CAST: variants seen among roughly 807,000 people sequenced by gnomAD.
The protein encoded by CAST is calpastatin, also known as MIR583 host.
In CAST, 76 loss-of-function variants were observed where a neutral mutation model predicts 119.6. That is an observed-to-expected ratio of 0.64 (90% CI 0.53 to 0.77). The LOEUF (loss-of-function observed/expected upper bound fraction) is 0.77. CAST is among the 30% of genes least tolerant of loss of function. The pLI, the probability that CAST is intolerant of heterozygous loss-of-function variation, is 0.00. For missense variants in CAST, 953 were observed against 946.5 expected (o/e 1.01, Z -0.09); for synonymous variants, 319 against 331.6 (o/e 0.96, Z 0.41).
At chr5:96,418,107 G>A in the CAST span, among the ~76,000 whole-genome samples, 27 of 152,266 alleles carry the variant, frequency 1.8e-4, no homozygotes, top group Admixed American at 3.9e-4. Context: ...GTATATGGAC[G>A]ACTATTCTCT....
At chr5:96,652,588 T>A (rs1033883428) in intron 1 of CAST, among the ~76,000 whole-genome samples, 4 of 152,214 alleles carry the variant, frequency 2.6e-5, no homozygotes, top group African/African-American at 7.2e-5. Flanking sequence ...AGCCTCCACT[T>A]AAATGCTCTG....
At chr5:96,630,526 C>T (rs1354282449) in intron 1 of CAST, among the ~76,000 whole-genome samples, 1 of 152,152 alleles carries the variant, frequency 6.6e-6, no homozygotes. Context: ...GTGGCTCATA[C>T]CTGTAATCCC....
the CAST span, among the ~76,000 whole-genome samples, chr5:95,990,382 G>A: frequency 6.6e-6 from 1 of 151,796 alleles, no homozygotes; most frequent in Non-Finnish European, 1.5e-5. Context: ...TAAAGTATAG[G>A]GGCAAACTAG....
chr5:96,665,725 AAC>A (rs143855509), intron 1 of CAST, among the ~76,000 whole-genome samples: 45 of 150,496 alleles, frequency 3.0e-4, no homozygotes, highest in Non-Finnish European at 4.0e-4. Context: ...GCCAGTTTAT[AAC>A]ACACACACAC....
the CAST span, among the ~76,000 whole-genome samples, chr5:96,208,676 C>T: frequency 3.6e-4 from 54 of 151,770 alleles, no homozygotes; most frequent in South Asian, 0.011. Flanking sequence ...TTTTATTGCA[C>T]TATGGTCTGA....
chr5:96,073,236 T>C, the CAST span, among the ~76,000 whole-genome samples: 9 of 152,324 alleles, frequency 5.9e-5, no homozygotes, highest in East Asian at 1.7e-3. Context: ...TACAGACTTA[T>C]GTGGTGAATC....
chr5:96,139,423 C>T, the CAST span, among the ~76,000 whole-genome samples: 2 of 151,012 alleles, frequency 1.3e-5, no homozygotes, highest in Non-Finnish European at 3.0e-5. Flanking sequence ...GAAAATTTAA[C>T]CTCTCTGAGT....
Position 96,593,911 on chromosome 5 carries a change from A to G in CAST, c.60+64031A>G, listed in dbSNP as rs916333882. Among the ~76,000 whole-genome samples, 4 of 152,362 alleles carry G rather than the reference A, an allele frequency of 2.6e-5. No homozygotes were observed. In the East Asian group the frequency reaches 5.8e-4, roughly 22 times the overall value. ...CTGTTGTTTTTAAGCCACACTGTCT[A>G]TGGCATTTTATTATAGCAGCTGAAC... is the stretch of plus-strand genomic sequence containing the variant. On this transcript the variant is annotated intron_variant, in intron 1 of 11. Coordinates refer to the CAST transcript ENST00000505143.
intron 2 of CAST, among the ~76,000 whole-genome samples, chr5:96,687,606 T>C (rs1752230317): frequency 6.6e-6 from 1 of 152,204 alleles, no homozygotes; most frequent in African/African-American, 2.4e-5. Context: ...GGGCTCTCTC[T>C]TTTGCACATC....
At chr5:96,003,819 G>T in the CAST span, among the ~76,000 whole-genome samples, 6 of 152,296 alleles carry the variant, frequency 3.9e-5, no homozygotes, top group African/African-American at 1.2e-4. Flanking sequence ...CATTTCCCTT[G>T]TATAGAACAT....
the CAST span, among the ~76,000 whole-genome samples, chr5:95,994,722 T>C: frequency 2.0e-5 from 3 of 152,294 alleles, no homozygotes; most frequent in Middle Eastern, 3.4e-3. Flanking sequence ...AAGTTAATTG[T>C]ACCTAAAAGT....
the CAST span, among the ~76,000 whole-genome samples, chr5:96,445,905 G>A: frequency 6.6e-6 from 1 of 152,184 alleles, no homozygotes; most frequent in Non-Finnish European, 1.5e-5. Flanking sequence ...CTGGAGTGCA[G>A]TGGCAGATCT....
At chr5:96,662,252 G>C (rs921076297), upstream of CAST, 29 of 793,068 alleles carry the variant, frequency 3.7e-5, no homozygotes, top group Non-Finnish European at 4.9e-5. Context: ...ATCGGGGCTA[G>C]GGGAACCCCG....
At chr5:96,737,577 G>C (rs1761921553) in intron 10 of CAST, among the ~76,000 whole-genome samples, 1 of 152,058 alleles carries the variant, frequency 6.6e-6, no homozygotes, top group Non-Finnish European at 1.5e-5. Context: ...TAATGAACTT[G>C]TACATTTGTT....
chr5:96,370,891 A>G, the CAST span, among the ~76,000 whole-genome samples: 8 of 152,244 alleles, frequency 5.3e-5, no homozygotes, highest in South Asian at 2.1e-4. Flanking sequence ...TTTATGATAT[A>G]ACTCAAATTG....
At chr5:96,501,521 A>T in the CAST span, among the ~76,000 whole-genome samples, 1 of 152,362 alleles carries the variant, frequency 6.6e-6, no homozygotes, top group Admixed American at 6.5e-5. Flanking sequence ...CATCAGAAAG[A>T]TATAAAAATT....
chr5:96,015,531 T>A, the CAST span, among the ~76,000 whole-genome samples: 6 of 152,174 alleles, frequency 3.9e-5, no homozygotes, highest in Admixed American at 1.3e-4. Context: ...TATATTCATT[T>A]AATACTCCTA....
the CAST span, among the ~76,000 whole-genome samples, chr5:96,103,134 G>A: frequency 4.1e-3 from 627 of 152,126 alleles, 14 homozygotes; most frequent in South Asian, 0.045. Flanking sequence ...ATTAAAATTT[G>A]GAGGGCAGAA....
the CAST span, among the ~76,000 whole-genome samples, chr5:96,467,085 G>A: frequency 1.3e-5 from 2 of 152,016 alleles, no homozygotes; most frequent in Admixed American, 6.6e-5. Context: ...AATTATTAGT[G>A]ACTTTGAACA....
Sources: gnomAD v4.1 joint callset for allele counts (sites outside exome capture counted in the v4.1 genomes callset) on GRCh38, gnomAD v4.1.1 for gene constraint, MANE v1.5 for transcripts, NCBI Gene and HGNC (gene_info 2026-07-23, HGNC 2026-07-21) for gene names.